CNTNAP2: variants seen among roughly 807,000 people sequenced by gnomAD.
CNTNAP2 encodes contactin-associated protein-like 2.
In CNTNAP2, 98 loss-of-function variants were observed where a neutral mutation model predicts 155.2. That is an observed-to-expected ratio of 0.63 (90% CI 0.54 to 0.75). The LOEUF is 0.75. Among genes scored for constraint, CNTNAP2 ranks in the 30% least tolerant of loss-of-function variants. The pLI is 0.00. For missense variants in CNTNAP2, 1,727 were observed against 1,688.1 expected, an observed-to-expected ratio of 1.02 and a Z score of -0.40; for synonymous variants, 651 against 631.2, an observed-to-expected ratio of 1.03 and a Z score of -0.47.
intron 14 of CNTNAP2, among the ~76,000 whole-genome samples, chr7:147,975,947 C>A (rs1189344016): frequency 6.6e-6 from 1 of 152,176 alleles, no homozygotes; most frequent in African/African-American, 2.4e-5. Context: ...ACATAATATA[C>A]ATTTTAGACT....
chr7:147,968,150 A>G (rs13221247), intron 14 of CNTNAP2, among the ~76,000 whole-genome samples: 1 of 152,252 alleles, frequency 6.6e-6, no homozygotes, highest in Non-Finnish European at 1.5e-5. Flanking sequence ...ACAAAGTTCC[A>G]TGAAACAATA....
intron 13 of CNTNAP2, among the ~76,000 whole-genome samples, chr7:147,789,608 G>A (rs546865252): frequency 6.6e-6 from 1 of 152,286 alleles, no homozygotes; most frequent in East Asian, 1.9e-4. Flanking sequence ...GCAAAGTATT[G>A]CTTCTGGGTG....
chr7:146,853,554 A>G (rs776256699), intron 3 of CNTNAP2, among the ~76,000 whole-genome samples: 12 of 152,220 alleles, frequency 7.9e-5, no homozygotes, highest in Non-Finnish European at 1.2e-4. Flanking sequence ...ATCATTGCCA[A>G]TAGTAATCAC....
chr7:147,642,673 T>C (rs1000056470), intron 13 of CNTNAP2, among the ~76,000 whole-genome samples: 2 of 152,174 alleles, frequency 1.3e-5, no homozygotes, highest in Non-Finnish European at 2.9e-5. Context: ...CGAGAAAAAC[T>C]GCTAAATTGA....
intron 14 of CNTNAP2, among the ~76,000 whole-genome samples, chr7:147,959,712 C>A (rs1004262478): frequency 6.6e-6 from 1 of 152,070 alleles, no homozygotes; most frequent in South Asian, 2.1e-4. Flanking sequence ...GGGTGGTAAC[C>A]CCCAGGTGTT....
intron 3 of CNTNAP2, among the ~76,000 whole-genome samples, chr7:146,892,830 A>G (rs1488306422): frequency 6.6e-6 from 1 of 152,186 alleles, no homozygotes; most frequent in Non-Finnish European, 1.5e-5. Context: ...TTACATTCAA[A>G]TGATTCAATG....
At chr7:147,205,908 A>T (rs981138226) in intron 8 of CNTNAP2, among the ~76,000 whole-genome samples, 1 of 152,142 alleles carries the variant, frequency 6.6e-6, no homozygotes, top group Non-Finnish European at 1.5e-5. Flanking sequence ...AAAGTTCCTA[A>T]AACAAAGAAA....
intron 23 of CNTNAP2, among the ~76,000 whole-genome samples, chr7:148,414,096 G>A (rs1799920723): frequency 1.6e-5 from 1 of 61,074 alleles, no homozygotes; most frequent in African/African-American, 8.1e-5. Context: ...TTTTTAGACA[G>A]AGTCCCCCCC....
chr7:148,335,820 A>G (rs938260236), intron 21 of CNTNAP2, among the ~76,000 whole-genome samples: 4 of 151,986 alleles, frequency 2.6e-5, no homozygotes, highest in African/African-American at 9.7e-5. Flanking sequence ...CCTTTTTGAT[A>G]TATTCAACTA....
chr7:146,131,896 T>A (rs1324072949), intron 1 of CNTNAP2, among the ~76,000 whole-genome samples: 1 of 152,142 alleles, frequency 6.6e-6, no homozygotes, highest in African/African-American at 2.4e-5. Context: ...GTGTTAAAAG[T>A]GGCAGTTGTT....
At chr7:147,571,896 C>T (rs755129387) in intron 12 of CNTNAP2, among the ~76,000 whole-genome samples, 75 of 152,268 alleles carry the variant, frequency 4.9e-4, no homozygotes, top group South Asian at 8.3e-4. Flanking sequence ...TATGGTTAAC[C>T]CACTCAGAGA....
intron 15 of CNTNAP2, among the ~76,000 whole-genome samples, chr7:147,984,973 C>T (rs372733380): frequency 1.1e-4 from 16 of 151,876 alleles, no homozygotes; most frequent in East Asian, 1.9e-4. Context: ...AAATCAGCTG[C>T]GCATGTTGGT....
At chr7:146,655,745 TTATC>T (rs1436392964) in intron 1 of CNTNAP2, among the ~76,000 whole-genome samples, 25 of 152,270 alleles carry the variant, frequency 1.6e-4, no homozygotes, top group African/African-American at 5.8e-4. Flanking sequence ...GATTTTCTAT[TTATC>T]TGTGAAGTCC....
At chr7:148,202,746 G>A (rs568842212) in intron 18 of CNTNAP2, among the ~76,000 whole-genome samples, 14 of 152,278 alleles carry the variant, frequency 9.2e-5, no homozygotes, top group African/African-American at 3.1e-4. Flanking sequence ...ATGCCCCCAC[G>A]ATGTTCATTT....
intron 14 of CNTNAP2, among the ~76,000 whole-genome samples, chr7:147,924,604 A>T (rs1282099024): frequency 6.6e-6 from 1 of 152,182 alleles, no homozygotes; most frequent in Admixed American, 6.5e-5. Context: ...AGGCAATCTG[A>T]TGCTGCAGCC....
chr7:147,410,144 A>C (rs11972582), intron 10 of CNTNAP2, among the ~76,000 whole-genome samples: 1 of 152,194 alleles, frequency 6.6e-6, no homozygotes, highest in Non-Finnish European at 1.5e-5. Context: ...AAGACATGGA[A>C]TCAACCTAAA....
At chr7:147,034,239 A>G (rs1251438855) in intron 3 of CNTNAP2, among the ~76,000 whole-genome samples, 2 of 152,326 alleles carry the variant, frequency 1.3e-5, no homozygotes, top group East Asian at 3.9e-4. Flanking sequence ...TGGATAACAA[A>G]CAATGAGGAC....
At chr7:147,220,746 A>G (rs190881806) in intron 8 of CNTNAP2, among the ~76,000 whole-genome samples, 1 of 151,294 alleles carries the variant, frequency 6.6e-6, no homozygotes, top group East Asian at 1.9e-4. Flanking sequence ...ATGGAGTCTC[A>G]CTCTCTTGCC....
At chr7:147,564,166 A>T (rs75290602) in intron 12 of CNTNAP2, among the ~76,000 whole-genome samples, 30,456 of 151,372 alleles carry the variant, frequency 0.2, 3,293 homozygotes, top group Admixed American at 0.29. Flanking sequence ...ACCTGTCTCA[A>T]TTTTTTTTTC....
Sources: gnomAD v4.1 joint callset for allele counts (sites outside exome capture counted in the v4.1 genomes callset) on GRCh38, gnomAD v4.1.1 for gene constraint, MANE v1.5 for transcripts, NCBI Gene and HGNC (gene_info 2026-07-23, HGNC 2026-07-21) for gene names.